Variants in SLC8A1 observed in about 807,000 individuals in gnomAD.
SLC8A1 encodes the protein solute carrier family 8 member A1.
Under a neutral mutation model 68.3 loss-of-function variants are expected in SLC8A1, and 18 were observed. That is an observed-to-expected ratio of 0.26 (90% CI 0.18 to 0.39). The LOEUF is 0.39. Among genes scored for constraint, SLC8A1 ranks in the 10% least tolerant of loss-of-function variants. SLC8A1 has a pLI of 1.00. For synonymous variants in SLC8A1, 475 were observed against 415.5 expected (o/e 1.14, Z -1.74); for missense variants, 985 against 1,156.7 (o/e 0.85, Z 2.15).
chr2:40,239,175 A>G (rs2060865154), intron 2 of SLC8A1, among the ~76,000 whole-genome samples: 1 of 152,244 alleles, frequency 6.6e-6, no homozygotes, highest in African/African-American at 2.4e-5. Flanking sequence ...GCAAATGTCA[A>G]TCATGCAAAA....
chr2:40,406,291 G>T (rs1391152864), intron 2 of SLC8A1, among the ~76,000 whole-genome samples: 2 of 152,080 alleles, frequency 1.3e-5, no homozygotes, highest in African/African-American at 4.8e-5. Context: ...CACTGTTCTT[G>T]GAGCTTTGTG....
chr2:40,467,430 T>C (rs1037441216), intron 1 of SLC8A1, among the ~76,000 whole-genome samples: 3 of 152,164 alleles, frequency 2.0e-5, no homozygotes, highest in Non-Finnish European at 4.4e-5. Context: ...TAACTGCTAT[T>C]CAGTACAGAT....
At chr2:40,305,073 G>C (rs1307479601) in intron 2 of SLC8A1, among the ~76,000 whole-genome samples, 1 of 152,168 alleles carries the variant, frequency 6.6e-6, no homozygotes, top group African/African-American at 2.4e-5. Flanking sequence ...AACTTCCCAG[G>C]TGATAGCCAT....
At chr2:40,405,093 A>T (rs987155723) in intron 2 of SLC8A1, among the ~76,000 whole-genome samples, 8 of 152,214 alleles carry the variant, frequency 5.3e-5, no homozygotes, top group Middle Eastern at 3.4e-3. Flanking sequence ...AGGATTGGAG[A>T]CAATGATGTA....
intron 2 of SLC8A1, among the ~76,000 whole-genome samples, chr2:40,188,489 C>A (rs560841447): frequency 6.6e-6 from 1 of 152,342 alleles, no homozygotes; most frequent in Non-Finnish European, 1.5e-5. Context: ...GTTGCCCAAC[C>A]TTTTCAAAAG....
At chr2:40,280,865 G>C (rs533417322) in intron 2 of SLC8A1, among the ~76,000 whole-genome samples, 1 of 152,144 alleles carries the variant, frequency 6.6e-6, no homozygotes, top group East Asian at 1.9e-4. Context: ...AAGCAGAGGT[G>C]GGTAAAACAT....
chr2:40,426,998 A>T (rs565632681), intron 2 of SLC8A1, among the ~76,000 whole-genome samples: 5 of 152,196 alleles, frequency 3.3e-5, no homozygotes, highest in African/African-American at 7.2e-5. Context: ...CTACTAGATC[A>T]CTATCTTTCA....
chr2:40,406,431 TG>T (rs1206496835), intron 2 of SLC8A1, among the ~76,000 whole-genome samples: 1 of 152,192 alleles, frequency 6.6e-6, no homozygotes, highest in Non-Finnish European at 1.5e-5. Context: ...TATTGTATAA[TG>T]GATGTATAAT....
At chr2:40,268,339 A>G (rs1412985032) in intron 2 of SLC8A1, among the ~76,000 whole-genome samples, 1 of 152,140 alleles carries the variant, frequency 6.6e-6, no homozygotes, top group Non-Finnish European at 1.5e-5. Flanking sequence ...ATTTTCAACA[A>G]TTCACTAAGT....
intron 1 of SLC8A1, among the ~76,000 whole-genome samples, chr2:40,492,583 G>A (rs1181877522): frequency 3.3e-5 from 5 of 150,638 alleles, no homozygotes; most frequent in East Asian, 1.9e-4. Context: ...GAAAATTTTC[G>A]CAACCTACTC....
At position 40,451,737 on chromosome 2, in the gene SLC8A1, T is replaced by TCACACACACACACACACA. The variant is rs756970142; in HGVS notation, c.-25+149_-25+166dup. 2.9e-3 allele frequency among the ~76,000 whole-genome samples: 384 copies of TCACACACACACACACACA among 133,732 alleles called. 3 individuals are homozygous for TCACACACACACACACACA. Among genetic ancestry groups the TCACACACACACACACACA allele is most frequent in the African/African-American group, 4.8e-3 (171 of 35,680 alleles). 87.7% of individuals were successfully genotyped at this position (133,732 alleles called of 152,430 possible). A position where few individuals can be genotyped will look rare whatever the true frequency, so the allele number is the denominator to read the frequency against. On this transcript the variant is annotated intron_variant, in intron 1 of 7. Transcript: ENST00000406785. ...AATGTGCAGGCGCGCACACACCACA[T>TCACACACACACACACACA]CACACACACACACACACACACACAC...
At chr2:40,346,706 G>A (rs768633528) in intron 2 of SLC8A1, among the ~76,000 whole-genome samples, 3 of 152,150 alleles carry the variant, frequency 2.0e-5, no homozygotes, top group Non-Finnish European at 4.4e-5. Flanking sequence ...AGAGAAGAAT[G>A]ACCTCTATGG....
Position 40,329,556 on chromosome 2 carries a change from A to G in SLC8A1, c.1808+98917T>C, listed in dbSNP as rs531515546. On this transcript the variant is annotated intron_variant, in intron 2 of 7. Transcript: ENST00000406785. ...GATGTGAGGAAGAATAAGAGATGGAAAGAGAAAAGGATTTAAGTTACTAAT... is the reference window on the plus strand; with the variant it reads ...GATGTGAGGAAGAATAAGAGATGGAGAGAGAAAAGGATTTAAGTTACTAAT... 7.2e-5 allele frequency among the ~76,000 whole-genome samples: 11 copies of G among 152,336 alleles called. 1 individual carries two copies. The South Asian group carries it at 2.3e-3, about 32-fold the overall frequency.
At chr2:40,239,567 T>C (rs367594960) in intron 2 of SLC8A1, among the ~76,000 whole-genome samples, 23 of 152,194 alleles carry the variant, frequency 1.5e-4, no homozygotes, top group Non-Finnish European at 2.5e-4. Flanking sequence ...TTTCTGACTC[T>C]CCTCCTCCCA....
intron 1 of SLC8A1, among the ~76,000 whole-genome samples, chr2:40,511,786 T>C (rs956035233): frequency 1.3e-5 from 2 of 152,134 alleles, no homozygotes; most frequent in African/African-American, 4.8e-5. Flanking sequence ...CCCGTGTTTG[T>C]GAAAACAACC....
At chr2:40,407,160 A>G (rs766863008) in intron 2 of SLC8A1, among the ~76,000 whole-genome samples, 1 of 152,016 alleles carries the variant, frequency 6.6e-6, no homozygotes, top group Non-Finnish European at 1.5e-5. Flanking sequence ...TCTGCCTCCT[A>G]GGTTCAACAG....
intron 2 of SLC8A1, among the ~76,000 whole-genome samples, chr2:40,360,879 C>G (rs1172322131): frequency 1.3e-5 from 2 of 152,114 alleles, no homozygotes; most frequent in Non-Finnish European, 2.9e-5. Context: ...ATCAGGGCAC[C>G]TCCTTGTAAA....
chr2:40,371,512 C>A (rs1449569287), intron 2 of SLC8A1, among the ~76,000 whole-genome samples: 1 of 152,084 alleles, frequency 6.6e-6, no homozygotes, highest in Non-Finnish European at 1.5e-5. Context: ...TCTTAAAACA[C>A]AGAAGATGTT....
intron 2 of SLC8A1, among the ~76,000 whole-genome samples, chr2:40,403,822 C>A (rs1013584927): frequency 4.6e-5 from 7 of 152,162 alleles, no homozygotes; most frequent in African/African-American, 1.7e-4. Flanking sequence ...AGCATTGTCT[C>A]CGAAGGCAAG....
Sources: allele counts gnomAD v4.1 joint callset (sites outside exome capture counted in the v4.1 genomes callset), GRCh38; gene constraint gnomAD v4.1.1; transcripts MANE v1.5; gene names NCBI Gene and HGNC (gene_info 2026-07-23, HGNC 2026-07-21).